ZNF740: variants seen among roughly 807,000 people sequenced by gnomAD.
ZNF740 encodes zinc finger protein 740.
Under a neutral mutation model 24.8 loss-of-function variants are expected in ZNF740, and 14 were observed. The ratio of observed to expected loss-of-function variants is 0.56; its 90% confidence interval spans 0.37 to 0.88. ZNF740 has a LOEUF of 0.88. Ranked by LOEUF, ZNF740 falls within the 40% of genes least tolerant of loss-of-function variation. The pLI, the probability that ZNF740 is intolerant of heterozygous loss-of-function variation, is 0.00. For missense variants in ZNF740, 201 were observed against 247.9 expected (o/e 0.81, Z 1.27); for synonymous variants, 69 against 84.0 (o/e 0.82, Z 0.98).
At position 53,180,819 on chromosome 12, in the gene ZNF740, G is replaced by T. The variant is rs1026547068; in HGVS notation, c.-326G>T. On this transcript the variant is annotated 5_prime_UTR_variant, in exon 1 of 7. Transcript: ENST00000416904. ...GGCGCCGCGCGGCCAGGGAGCCAGCGGGAGGCCGCGCCTGGCAGGTAGGAG... is the reference window on the plus strand; with the variant it reads ...GGCGCCGCGCGGCCAGGGAGCCAGCTGGAGGCCGCGCCTGGCAGGTAGGAG... 2 of 1,271,960 alleles carry T rather than the reference G, an allele frequency of 1.6e-6. No homozygotes were observed. The highest frequency in any genetic ancestry group is 2.4e-5 in the Admixed American group (1 of 42,140). 78.8% of individuals were successfully genotyped at this position (1,271,960 alleles called of 1,614,324 possible).
Position 53,193,965 on chromosome 12 carries a change from C to A in ZNF740, c.*6375C>A. On this transcript the variant is annotated 3_prime_UTR_variant, in exon 7 of 7. Coordinates refer to ENST00000416904, the MANE Select transcript of ZNF740 (RefSeq NM_001004304.4). ...GCACACACACATACCCCAAACTCACCAATCATCCAGAACCTCACCCCTTAG... is the reference window on the plus strand; with the variant it reads ...GCACACACACATACCCCAAACTCACAAATCATCCAGAACCTCACCCCTTAG... 6.8e-7 allele frequency: 1 copy of A among 1,467,440 alleles called. No homozygotes were observed. The highest frequency in any genetic ancestry group is 9.3e-7 in the Non-Finnish European group (1 of 1,071,954). 90.9% of individuals were successfully genotyped at this position (1,467,440 alleles called of 1,614,324 possible). A position where few individuals can be genotyped will look rare whatever the true frequency, so the allele number is the denominator to read the frequency against.
At chr12:53,185,256 G>A in intron 3 of ZNF740, 131 bp from the exon 4 acceptor site, 2 of 1,167,720 alleles carry the variant, frequency 1.7e-6, no homozygotes, top group Non-Finnish European at 2.4e-6. Flanking sequence ...AGAGGAAATA[G>A]TTGTATACTT....
chr12:53,180,800 G>A lies in ZNF740; in HGVS notation c.-345G>A, dbSNP rs572292864. 2.3e-4 allele frequency: 290 copies of A among 1,272,360 alleles called. 2 individuals are homozygous for A. In the Middle Eastern group the frequency reaches 3.7e-3, roughly 16 times the overall value. The allele number at this position is 1,272,360 out of a possible 1,614,324, so 78.8% of individuals were successfully genotyped here. On this transcript the variant is annotated 5_prime_UTR_variant, in exon 1 of 7. Coordinates refer to ENST00000416904, the MANE Select transcript of ZNF740 (RefSeq NM_001004304.4). ...TGTGCTGGGGCCTGGAGGAGGCGCCGCGCGGCCAGGGAGCCAGCGGGAGGC... is the reference window on the plus strand; with the variant it reads ...TGTGCTGGGGCCTGGAGGAGGCGCCACGCGGCCAGGGAGCCAGCGGGAGGC...
intron 2 of ZNF740, among the ~76,000 whole-genome samples, chr12:53,183,296 A>G (rs1275370441): frequency 2.0e-5 from 3 of 152,216 alleles, no homozygotes; most frequent in African/African-American, 7.2e-5. Context: ...TTTTTCATGT[A>G]AGGAAACTAA....
At position 53,195,109 on chromosome 12, in the gene ZNF740, C is replaced by T. The variant is rs1437194150; in HGVS notation, c.*7519C>T. The T allele has an allele frequency of 8.0e-6, 4 of 500,142 alleles. No homozygotes were observed. Among genetic ancestry groups the T allele is most frequent in the Non-Finnish European group, 1.4e-5 (4 of 276,282 alleles). The allele number at this position is 500,142 out of a possible 1,614,324, so 31.0% of individuals were successfully genotyped here. On this transcript the variant is annotated 3_prime_UTR_variant, in exon 7 of 7. Transcript: ENST00000416904. ...CAGTATGTACACCTAGGATGGTGGG[C>T]GCATGAAATAAAAGCTCAGTGATTG... is the stretch of plus-strand genomic sequence containing the variant.
At chr12:53,186,619 ATAGT>A in intron 6 of ZNF740, 110 bp downstream of exon 6, 3 of 804,468 alleles carry the variant, frequency 3.7e-6, no homozygotes, top group Non-Finnish European at 6.0e-6. Flanking sequence ...ACTCGCCATA[ATAGT>A]TAACACATCG....
At chr12:53,181,008 GC>G in intron 1 of ZNF740, 171 bp downstream of exon 1, 1 of 850,816 alleles carries the variant, frequency 1.2e-6, no homozygotes, top group Non-Finnish European at 1.5e-6. Flanking sequence ...CGCGCACACC[GC>G]CCCCTGCCCG....
Position 53,194,961 on chromosome 12 carries a change from TTTG to T in ZNF740, c.*7374_*7376del, listed in dbSNP as rs1296579323. 2 of 193,474 alleles carry T rather than the reference TTTG, an allele frequency of 1.0e-5. No individual in the cohort carries two copies. Among genetic ancestry groups the T allele is most frequent in the African/African-American group, 2.3e-5 (1 of 43,124 alleles). 12.0% of individuals were successfully genotyped at this position (193,474 alleles called of 1,614,324 possible). A position where few individuals can be genotyped will look rare whatever the true frequency, so the allele number is the denominator to read the frequency against. ...CTGGGGACAAATGCCAGCCCTTCTG[TTTG>T]TTATCTTTGTGACCTTGGACAAGTC... On this transcript the variant is annotated 3_prime_UTR_variant, in exon 7 of 7. Coordinates refer to ENST00000416904, the MANE Select transcript of ZNF740 (RefSeq NM_001004304.4).
Position 53,193,847 on chromosome 12 carries a change from G to A in ZNF740, c.*6257G>A. ...GAGAAGCCAAGGGCCCGGAGCCTCA[G>A]GAGATGGGGCTCTGGGAGGCAGTGG... On this transcript the variant is annotated 3_prime_UTR_variant, in exon 7 of 7. Transcript: ENST00000416904. 6.2e-7 allele frequency: 1 copy of A among 1,614,086 alleles called. No individual in the cohort carries two copies. The highest frequency in any genetic ancestry group is 8.5e-7 in the Non-Finnish European group (1 of 1,179,986).
chr12:53,188,256 G>A lies in ZNF740; in HGVS notation c.*666G>A, dbSNP rs564891475. The stretch of plus-strand genomic sequence containing the variant: ...CAGACAAGGGCTGGATCCAAAAAGT[G>A]GATGGCACCTCTTCCTTCCTCAAGG... On this transcript the variant is annotated 3_prime_UTR_variant, in exon 7 of 7. Coordinates refer to ENST00000416904, the MANE Select transcript of ZNF740 (RefSeq NM_001004304.4). The A allele has an allele frequency of 4.6e-5, 7 of 152,954 alleles. No homozygotes were observed. The highest frequency in any genetic ancestry group is 1.7e-4 in the African/African-American group (7 of 41,588). 9.5% of individuals were successfully genotyped at this position (152,954 alleles called of 1,614,324 possible).
intron 2 of ZNF740, among the ~76,000 whole-genome samples, chr12:53,183,445 A>G (rs1254799213): frequency 6.6e-6 from 1 of 152,172 alleles, no homozygotes; most frequent in Non-Finnish European, 1.5e-5. Context: ...TCTAAAAGGA[A>G]TTTCTTCATA....
Position 53,191,628 on chromosome 12 carries a change from A to G in ZNF740, c.*4038A>G, listed in dbSNP as rs1205669121. ...TCGTGATGGCACTTTTGTAGAGAGG[A>G]TTACTGTCCTGGAGAAAGATGTTGC... On this transcript the variant is annotated 3_prime_UTR_variant, in exon 7 of 7. Coordinates refer to ENST00000416904, the MANE Select transcript of ZNF740 (RefSeq NM_001004304.4). The G allele has an allele frequency of 1.2e-6, 2 of 1,613,186 alleles. No homozygotes were observed. The highest frequency in any genetic ancestry group is 1.1e-5 in the South Asian group (1 of 91,060).
In ZNF740 at chr12:53,193,260, G is replaced by A. The variant is rs777611425; in HGVS notation, c.*5670G>A. 2 of 1,614,050 alleles carry A rather than the reference G, an allele frequency of 1.2e-6. No homozygotes were observed. Among genetic ancestry groups the A allele is most frequent in the Non-Finnish European group, 1.7e-6 (2 of 1,179,922 alleles). On this transcript the variant is annotated 3_prime_UTR_variant, in exon 7 of 7. Coordinates refer to ENST00000416904, the MANE Select transcript of ZNF740 (RefSeq NM_001004304.4). Reference sequence around the variant, plus strand: ...TGACAGTGACCCTTTCCACTGCACAGGGGCCCTGTGCCATTGGGAGCCCGG... The same window carrying A: ...TGACAGTGACCCTTTCCACTGCACAAGGGCCCTGTGCCATTGGGAGCCCGG...
intron 4 of ZNF740, 73 bp downstream of exon 4, chr12:53,185,549 C>A: frequency 1.4e-6 from 2 of 1,398,326 alleles, no homozygotes; most frequent in Non-Finnish European, 1.0e-6. Flanking sequence ...TTCCCTCTAC[C>A]ATGTAACCTG....
In ZNF740 at chr12:53,194,016, A is replaced by C. The variant is rs1942067385; in HGVS notation, c.*6426A>C. The C allele has an allele frequency of 1.5e-6, 2 of 1,305,430 alleles. No homozygotes were observed. Among genetic ancestry groups the C allele is most frequent in the East Asian group, 4.8e-5 (2 of 42,042 alleles). The allele number at this position is 1,305,430 out of a possible 1,614,324, so 80.9% of individuals were successfully genotyped here. Reference sequence around the variant, plus strand: ...TAAATGAAGGGATGGGGTCATGTTAACACCCAACTCCTAGAAACATGCCTG... The same window carrying C: ...TAAATGAAGGGATGGGGTCATGTTACCACCCAACTCCTAGAAACATGCCTG... On this transcript the variant is annotated 3_prime_UTR_variant, in exon 7 of 7. Transcript: ENST00000416904.
chr12:53,184,176 GGTGTGTGT>G (rs143795685), intron 2 of ZNF740, among the ~76,000 whole-genome samples: 18 of 128,070 alleles, frequency 1.4e-4, no homozygotes, highest in African/African-American at 4.2e-4. Context: ...GAAGCTAAGG[GGTGTGTGT>G]GTGTGTGTGT....
rs1285082147 is a variant in ZNF740 at position 53,185,415 on chromosome 12, G to A, written c.188G>A (p.Arg63Gln). Reference sequence around the variant, plus strand: ...CACCGAAAAGACAGTGATAAGTCCCGGAGCCGCAAAGATGATGACAGCTTG... The same window carrying A: ...CACCGAAAAGACAGTGATAAGTCCCAGAGCCGCAAAGATGATGACAGCTTG... Reference protein sequence around the residue: ...QGHRKDSDKSRSRKDDDSLSE... With the variant: ...QGHRKDSDKSQSRKDDDSLSE... Residue 63 changes from arginine to glutamine, a missense_variant, in exon 4 of 7, where the codon CGG (arginine) becomes CAG (glutamine). By Grantham distance (43) the Arg-to-Gln change is conservative (BLOSUM62 1). Around this residue, in one of 3 missense-constraint regions of ZNF740, gnomAD observed 117 missense variants for 122.3 expected, o/e 0.96. Transcript: ENST00000416904. 14 of 1,613,922 alleles carry A rather than the reference G, an allele frequency of 8.7e-6. No homozygotes were observed. The highest frequency in any genetic ancestry group is 1.1e-5 in the Non-Finnish European group (13 of 1,179,872).
At chr12:53,184,146 T>TGCGC (rs1387799137) in intron 2 of ZNF740, among the ~76,000 whole-genome samples, 23 of 103,290 alleles carry the variant, frequency 2.2e-4, no homozygotes, top group East Asian at 1.4e-3. Context: ...TGTGTGTGTG[T>TGCGC]GTGTGCGCGC....
Position 53,190,271 on chromosome 12 carries a change from T to TC in ZNF740, c.*2683dup, listed in dbSNP as rs1348140573. The stretch of plus-strand genomic sequence containing the variant: ...CACTGACTCACACCGCTGCAGAGGC[T>TC]CCTGGGCCCAATGCCCGACCCCTGC... On this transcript the variant is annotated 3_prime_UTR_variant, in exon 7 of 7. Transcript: ENST00000416904. 1 of 152,614 alleles carries TC rather than the reference T, an allele frequency of 6.6e-6. No individual in the cohort carries two copies. The highest frequency in any genetic ancestry group is 1.5e-5 in the Non-Finnish European group (1 of 68,064). 9.5% of individuals were successfully genotyped at this position (152,614 alleles called of 1,614,324 possible).
Sources: gnomAD v4.1 joint callset for allele counts (sites outside exome capture counted in the v4.1 genomes callset) on GRCh38, gnomAD v4.1.1 for gene constraint, gnomAD v4.1.1 regional missense constraint, MANE v1.5 for transcripts, NCBI Gene and HGNC (gene_info 2026-07-23, HGNC 2026-07-21) for gene names.